FAM200B: variants seen among roughly 807,000 people sequenced by gnomAD.
FAM200B encodes the protein protein FAM200B.
In FAM200B, 32 loss-of-function variants were observed where a neutral mutation model predicts 33.1. The observed-to-expected ratio is 0.97, with a 90% CI of 0.73 to 1.30. FAM200B has a LOEUF of 1.30. Among genes scored for constraint, FAM200B ranks in the 50% most tolerant of loss-of-function variants. The pLI is 0.00. For synonymous variants in FAM200B, 240 were observed against 264.8 expected, an observed-to-expected ratio of 0.91 and a Z score of 0.91; for missense variants, 741 against 754.0, an observed-to-expected ratio of 0.98 and a Z score of 0.20.
the FAM200B span, among the ~76,000 whole-genome samples, chr4:15,652,701 C>T: frequency 6.6e-6 from 1 of 152,078 alleles, no homozygotes; most frequent in Admixed American, 6.6e-5. Flanking sequence ...TTACTTGATG[C>T]TAGTAAATAA....
At chr4:15,639,909 T>G in the FAM200B span, among the ~76,000 whole-genome samples, 2 of 152,242 alleles carry the variant, frequency 1.3e-5, no homozygotes, top group Non-Finnish European at 2.9e-5. Context: ...ATTCCGTTCC[T>G]CATAAAATAA....
the FAM200B span, among the ~76,000 whole-genome samples, chr4:15,640,473 C>T: frequency 6.7e-6 from 1 of 149,910 alleles, no homozygotes; most frequent in Non-Finnish European, 1.5e-5. Context: ...AAAGAATCCT[C>T]TAAAGGTTCT....
chr4:15,664,550 CTTTT>C, the FAM200B span, among the ~76,000 whole-genome samples: 1 of 75,520 alleles, frequency 1.3e-5, no homozygotes, highest in African/African-American at 5.3e-5. Context: ...GGCCCTCATC[CTTTT>C]TTTTTTTTTT....
chr4:15,662,202 T>G, the FAM200B span, among the ~76,000 whole-genome samples: 2 of 152,308 alleles, frequency 1.3e-5, no homozygotes, highest in African/African-American at 4.8e-5. Flanking sequence ...AGGGCCATCT[T>G]TGAAGCTGGC....
chr4:15,651,062 C>T, the FAM200B span, among the ~76,000 whole-genome samples: 1 of 152,156 alleles, frequency 6.6e-6, no homozygotes, highest in Admixed American at 6.5e-5. Context: ...AAGAAAACGG[C>T]ATAACAAAAA....
At position 15,687,681 on chromosome 4, in the gene FAM200B, T is replaced by G. The variant is rs771486597; in HGVS notation, c.704T>G (p.Ile235Ser). 1 of 1,551,278 alleles carries G rather than the reference T, an allele frequency of 6.4e-7. No homozygotes were observed. Among genetic ancestry groups the G allele is most frequent in the Non-Finnish European group, 8.7e-7 (1 of 1,146,776 alleles). ...ATCCAGCTTGATGAAAGCACTGATA[T>G]TGGAAGCTGCACAACACTTTTAGTT... ...FAIQLDESTD[I>S]GSCTTLLVYV... The change falls in exon 2 of 2, where the codon ATT becomes AGT. Residue 235 changes from isoleucine to serine, a missense_variant. Coordinates refer to ENST00000422728, the MANE Select transcript of FAM200B (RefSeq NM_001145191.2).
chr4:15,662,275 G>A, the FAM200B span, among the ~76,000 whole-genome samples: 49 of 150,260 alleles, frequency 3.3e-4, no homozygotes, highest in African/African-American at 8.2e-4. Flanking sequence ...CTCCTTCCAC[G>A]GCTCTACCAA....
At chr4:15,647,734 G>A in the FAM200B span, among the ~76,000 whole-genome samples, 1 of 152,160 alleles carries the variant, frequency 6.6e-6, no homozygotes, top group Non-Finnish European at 1.5e-5. Context: ...TAAAAGCACT[G>A]ACTCTAGGGC....
At chr4:15,653,737 A>G in the FAM200B span, among the ~76,000 whole-genome samples, 94 of 152,308 alleles carry the variant, frequency 6.2e-4, no homozygotes, top group Middle Eastern at 0.014. Context: ...CTGCTAAGTA[A>G]AAAATTCAGG....
At chr4:15,645,086 C>T in the FAM200B span, among the ~76,000 whole-genome samples, 6 of 151,842 alleles carry the variant, frequency 4.0e-5, no homozygotes, top group African/African-American at 1.5e-4. Context: ...TTAAATACAA[C>T]AGACGGGTAG....
the FAM200B span, among the ~76,000 whole-genome samples, chr4:15,650,085 T>C: frequency 3.9e-5 from 6 of 152,228 alleles, no homozygotes; most frequent in Admixed American, 3.9e-4. Flanking sequence ...CCCCCAGAGA[T>C]AAAAGGCAAG....
At chr4:15,639,963 G>A in the FAM200B span, among the ~76,000 whole-genome samples, 1 of 152,136 alleles carries the variant, frequency 6.6e-6, no homozygotes, top group Admixed American at 6.5e-5. Context: ...ATTAGAGACA[G>A]AAGAAAAAGG....
chr4:15,674,840 G>T, the FAM200B span, among the ~76,000 whole-genome samples: 188 of 152,144 alleles, frequency 1.2e-3, no homozygotes, highest in African/African-American at 4.3e-3. Context: ...TAGTAGAGAC[G>T]GGGTTTCACC....
the FAM200B span, among the ~76,000 whole-genome samples, chr4:15,663,628 C>G: frequency 6.6e-6 from 1 of 152,192 alleles, no homozygotes; most frequent in Non-Finnish European, 1.5e-5. Flanking sequence ...ACTACCTATT[C>G]TAGTGGACTG....
the FAM200B span, among the ~76,000 whole-genome samples, chr4:15,674,598 C>T: frequency 6.6e-6 from 1 of 151,762 alleles, no homozygotes; most frequent in Admixed American, 6.6e-5. Flanking sequence ...CTTCTTTTCT[C>T]CTTATCAACT....
At chr4:15,653,641 C>T in the FAM200B span, among the ~76,000 whole-genome samples, 3 of 137,526 alleles carry the variant, frequency 2.2e-5, no homozygotes, top group Admixed American at 1.5e-4. Context: ...ATTTTTGAGA[C>T]CATTTTTTTT....
the FAM200B span, among the ~76,000 whole-genome samples, chr4:15,673,956 T>C: frequency 2.6e-5 from 4 of 152,256 alleles, no homozygotes; most frequent in African/African-American, 9.6e-5. Flanking sequence ...TTGCCTGATA[T>C]CCAATATCTT....
At chr4:15,682,559 T>G in intron 1 of FAM200B, among the ~76,000 whole-genome samples, 1 of 152,238 alleles carries the variant, frequency 6.6e-6, no homozygotes, top group East Asian at 1.9e-4. Flanking sequence ...TTTTTGCAGC[T>G]AGCTTGTTTT....
chr4:15,667,226 G>A, the FAM200B span, among the ~76,000 whole-genome samples: 1 of 152,032 alleles, frequency 6.6e-6, no homozygotes, highest in South Asian at 2.1e-4. Context: ...CATGATCACG[G>A]GCAACCTCTT....
Sources: allele counts gnomAD v4.1 joint callset (sites outside exome capture counted in the v4.1 genomes callset), GRCh38; gene constraint gnomAD v4.1.1; transcripts MANE v1.5; gene names NCBI Gene and HGNC (gene_info 2026-07-23, HGNC 2026-07-21).